Variants in TSNARE1 observed in about 807,000 individuals in gnomAD.
The protein encoded by TSNARE1 is t-SNARE domain containing 1, also known as t-SNARE domain-containing protein 1.
In TSNARE1, 49 loss-of-function variants were observed where a neutral mutation model predicts 62.0. That is an observed-to-expected ratio of 0.79 (90% CI 0.63 to 1.00). The LOEUF (loss-of-function observed/expected upper bound fraction) is 1.00, where lower values mean the gene tolerates loss of function less well. TSNARE1 is among the 50% of genes least tolerant of loss of function. The pLI, the probability that TSNARE1 is intolerant of heterozygous loss-of-function variation, is 0.00. For synonymous variants in TSNARE1, 328 were observed against 294.4 expected (o/e 1.11, Z -1.17); for missense variants, 755 against 700.1 (o/e 1.08, Z -0.88).
chr8:142,344,048 G>C lies in TSNARE1; in HGVS notation c.663C>G (p.Leu221=), dbSNP rs762128136. Residue 221 remains leucine (L), a synonymous_variant, in exon 4 of 14, where the codon CTC becomes CTG. Coordinates refer to ENST00000524325, the MANE Select transcript of TSNARE1 (RefSeq NM_145003.5). ...TGGCCACCACCTGCTCCACGGGCGT[G>C]AGAGCCAGGGCCTGGGGCTTGCCGG... ...PGSGKPQALA[L]TPVEQVVAKT... 8.8e-6 allele frequency: 14 copies of C among 1,592,922 alleles called. No homozygotes were observed. The highest frequency in any genetic ancestry group is 1.7e-5 in the Admixed American group (1 of 58,498).
At chr8:142,378,514 G>A (rs1250516310) in intron 1 of TSNARE1, among the ~76,000 whole-genome samples, 2 of 152,192 alleles carry the variant, frequency 1.3e-5, no homozygotes, top group African/African-American at 2.4e-5. Flanking sequence ...CACTTGCACA[G>A]CAAAAAGACC....
At chr8:142,387,234 A>G (rs1837172071) in intron 1 of TSNARE1, among the ~76,000 whole-genome samples, 1 of 152,226 alleles carries the variant, frequency 6.6e-6, no homozygotes, top group Non-Finnish European at 1.5e-5. Flanking sequence ...AATACAAACC[A>G]AAATTGCAGA....
At chr8:142,297,655 G>A (rs897995880) in intron 10 of TSNARE1, among the ~76,000 whole-genome samples, 10 of 152,152 alleles carry the variant, frequency 6.6e-5, no homozygotes, top group East Asian at 3.9e-4. Flanking sequence ...CGAGCCCTGC[G>A]CAGGCTGCAA....
At chr8:142,281,647 A>G (rs2130803391) in intron 11 of TSNARE1, among the ~76,000 whole-genome samples, 1 of 152,182 alleles carries the variant, frequency 6.6e-6, no homozygotes, top group Middle Eastern at 3.4e-3. Flanking sequence ...CAGAGCTTTT[A>G]GACCTCATGG....
At position 142,223,185 on chromosome 8, in the gene TSNARE1, T is replaced by TTGATCCACTCACTCATTCATCCACTCAC; in HGVS notation, c.*11+6287_*11+6288insGTGAGTGGATGAATGAGTGAGTGGATCA. On this transcript the variant is annotated intron_variant, in intron 13 of 13. Coordinates refer to ENST00000524325, the MANE Select transcript of TSNARE1 (RefSeq NM_145003.5). ...ACTCACTCACTCAAGTATTCACTCA[T>TTGATCCACTCACTCATTCATCCACTCAC]TCACTCGTTCACTCACTCATACTCA... Among the ~76,000 whole-genome samples the TTGATCCACTCACTCATTCATCCACTCAC allele has an allele frequency of 4.4e-5, 2 of 45,934 alleles. 1 individual carries two copies. Among genetic ancestry groups the TTGATCCACTCACTCATTCATCCACTCAC allele is most frequent in the South Asian group, 1.6e-3 (2 of 1,250 alleles). 30.1% of individuals were successfully genotyped at this position (45,934 alleles called of 152,430 possible).
At chr8:142,290,289 C>T (rs1273349651) in intron 10 of TSNARE1, among the ~76,000 whole-genome samples, 1 of 152,116 alleles carries the variant, frequency 6.6e-6, no homozygotes. Context: ...GTGCTGTTCT[C>T]GGGGGACACG....
rs199905126 is a variant in TSNARE1 at position 142,309,316 on chromosome 8, A to G, written c.1131+5068T>C. 6.6e-5 allele frequency among the ~76,000 whole-genome samples: 10 copies of G among 152,332 alleles called. No individual in the cohort carries two copies. The East Asian group carries it at 1.9e-3, about 29-fold the overall frequency. On this transcript the variant is annotated intron_variant, in intron 9 of 13. Transcript: ENST00000524325. ...AATGGGGAACAGAAACCACAGTACT[A>G]GATGCCCTAGTTTTATCTTCTATCT...
chr8:142,317,518 G>A (rs1043994444), intron 7 of TSNARE1, among the ~76,000 whole-genome samples: 1 of 152,214 alleles, frequency 6.6e-6, no homozygotes, highest in Admixed American at 6.5e-5. Context: ...AAGCGGGTTC[G>A]GGCCAGCAGG....
At position 142,344,131 on chromosome 8, in the gene TSNARE1, C is replaced by T. The variant is rs778061156; in HGVS notation, c.580G>A (p.Val194Ile). ...AGGTCGCCCAGCTTGCGCCGCACGA[C>T]GGCTCGTAGGTCCCGCCACTTGTGC... ...LKHKWRDLRA[V>I]VRRKLGDLRK... Residue 194 changes from valine (V) to isoleucine (I), a missense_variant, in exon 4 of 14, where the codon GTC becomes ATC. By Grantham distance (29) the Val-to-Ile change is conservative (BLOSUM62 3). Transcript: ENST00000524325. 2.3e-5 allele frequency: 37 copies of T among 1,612,472 alleles called. No homozygotes were observed. Among genetic ancestry groups the T allele is most frequent in the South Asian group, 5.5e-5 (5 of 91,028 alleles).
intron 6 of TSNARE1, among the ~76,000 whole-genome samples, chr8:142,325,557 G>A (rs1166163089): frequency 3.3e-5 from 5 of 152,308 alleles, no homozygotes; most frequent in East Asian, 3.9e-4. Context: ...GCCAGCCCAC[G>A]ACCGGTGAGG....
Position 142,379,108 on chromosome 8 carries a change from C to T in TSNARE1, c.-40+23996G>A, listed in dbSNP as rs150177656. ...GGACCAAGCCCGCAGCAGATCAGCACGGATCAGAGCAGCTCACACATGTCC... is the reference window on the plus strand; with the variant it reads ...GGACCAAGCCCGCAGCAGATCAGCATGGATCAGAGCAGCTCACACATGTCC... On this transcript the variant is annotated intron_variant, in intron 1 of 13. Transcript: ENST00000524325. Among the ~76,000 whole-genome samples the T allele has an allele frequency of 5.5e-3, 838 of 152,300 alleles. 22 individuals carry two copies. In the South Asian group the frequency reaches 0.074, roughly 13 times the overall value.
intron 1 of TSNARE1, chr8:142,402,651 TC>T (rs1277461560): frequency 6.6e-6 from 1 of 152,604 alleles, no homozygotes; most frequent in Non-Finnish European, 1.5e-5. Context: ...GGTCCCCAGC[TC>T]AGGCTCGAAG....
chr8:142,380,359 A>G (rs985794443), intron 1 of TSNARE1, among the ~76,000 whole-genome samples: 6 of 151,950 alleles, frequency 3.9e-5, no homozygotes, highest in Non-Finnish European at 8.8e-5. Flanking sequence ...CAGGCCACAG[A>G]GCAGGGAGGA....
At chr8:142,217,973 G>GGATCACAGCTTAGTGTGTGACCA (rs1815989208) in intron 13 of TSNARE1, among the ~76,000 whole-genome samples, 1 of 139,100 alleles carries the variant, frequency 7.2e-6, no homozygotes, top group African/African-American at 2.8e-5. Flanking sequence ...TGTGTGACCA[G>GGATCACAGCTTAGTGTGTGACCA]GATCAGGGCT....
intron 9 of TSNARE1, among the ~76,000 whole-genome samples, chr8:142,304,504 A>G (rs1387121315): frequency 6.6e-6 from 1 of 152,220 alleles, no homozygotes; most frequent in Admixed American, 6.5e-5. Context: ...TCATGTCTGC[A>G]GAGCACAGCA....
At chr8:142,311,290 G>GTTTTTTTTTTTTTGTTTTTTTTTTT (rs1827550778) in intron 9 of TSNARE1, among the ~76,000 whole-genome samples, 2 of 57,336 alleles carry the variant, frequency 3.5e-5, no homozygotes, top group Non-Finnish European at 5.8e-5. Flanking sequence ...AGCCTCTCTA[G>GTTTTTTTTTTTTTGTTTTTTTTTTT]TTTTTTTTTT....
At chr8:142,341,068 G>T (rs1832521642) in intron 4 of TSNARE1, among the ~76,000 whole-genome samples, 1 of 152,220 alleles carries the variant, frequency 6.6e-6, no homozygotes, top group Non-Finnish European at 1.5e-5. Context: ...GTCGGAAAAG[G>T]AGGTGCTCAC....
At chr8:142,246,893 A>C (rs1817910618) in intron 12 of TSNARE1, among the ~76,000 whole-genome samples, 1 of 152,242 alleles carries the variant, frequency 6.6e-6, no homozygotes, top group African/African-American at 2.4e-5. Flanking sequence ...GGCAGCGATG[A>C]GCAAAGACCA....
chr8:142,284,522 C>T (rs1282817670), intron 10 of TSNARE1, 37 bp from the exon 11 acceptor site: 4 of 1,576,368 alleles, frequency 2.5e-6, no homozygotes, highest in African/African-American at 2.8e-5. Context: ...AGGAGCAGGG[C>T]TGTGGGGCAG....
Sources: gnomAD v4.1 joint callset for allele counts (sites outside exome capture counted in the v4.1 genomes callset) on GRCh38, gnomAD v4.1.1 for gene constraint, MANE v1.5 for transcripts, NCBI Gene and HGNC (gene_info 2026-07-23, HGNC 2026-07-21) for gene names.